GNB1L: variants seen among roughly 807,000 people sequenced by gnomAD.
GNB1L encodes the protein guanine nucleotide-binding protein subunit beta-like protein 1.
In GNB1L, 20 loss-of-function variants were observed where a neutral mutation model predicts 29.1. The observed-to-expected ratio is 0.69, with a 90% confidence interval of 0.48 to 1.00. The LOEUF is 1.00. Ranked by LOEUF, GNB1L falls within the 50% of genes least tolerant of loss-of-function variation. The pLI, the probability that GNB1L is intolerant of heterozygous loss-of-function variation, is 0.00. For synonymous variants in GNB1L, 193 were observed against 206.5 expected (o/e 0.93, Z 0.56); for missense variants, 421 against 464.9 (o/e 0.91, Z 0.87).
At chr22:19,807,171 C>T (rs996702060) in intron 5 of GNB1L, among the ~76,000 whole-genome samples, 46 of 152,314 alleles carry the variant, frequency 3.0e-4, no homozygotes, top group Admixed American at 1.2e-3. Context: ...ATGTGATGTG[C>T]GTCCTCTGAG....
chr22:19,848,158 C>T (rs1020615941), intron 2 of GNB1L: 1 of 985,304 alleles, frequency 1.0e-6, no homozygotes, highest in Non-Finnish European at 1.2e-6. Context: ...TCCTTGCAGA[C>T]AGGTACTTTA....
intron 6 of GNB1L, among the ~76,000 whole-genome samples, chr22:19,804,994 G>A (rs549711175): frequency 1.8e-4 from 28 of 152,174 alleles, no homozygotes; most frequent in Admixed American, 8.5e-4. Context: ...TCCTCCCAGC[G>A]GAGCCCATGT....
At chr22:19,837,262 G>A (rs560115917) in intron 2 of GNB1L, among the ~76,000 whole-genome samples, 14 of 152,270 alleles carry the variant, frequency 9.2e-5, no homozygotes, top group African/African-American at 2.4e-4. Context: ...CACCACGCCC[G>A]GCCTGAAAAG....
intron 2 of GNB1L, among the ~76,000 whole-genome samples, chr22:19,835,422 G>A (rs937951215): frequency 1.3e-5 from 2 of 150,894 alleles, no homozygotes; most frequent in African/African-American, 4.9e-5. Flanking sequence ...CCTCACGCCT[G>A]TAATCCCAGC....
intron 2 of GNB1L, chr22:19,851,955 C>A (rs773542055): frequency 6.2e-7 from 1 of 1,614,144 alleles, no homozygotes; most frequent in Non-Finnish European, 8.5e-7. Flanking sequence ...GTGCCTGGGT[C>A]TGAGCCTGGT....
chr22:19,820,981 GCCACAGTAAT>G (rs1601336348), intron 3 of GNB1L, among the ~76,000 whole-genome samples: 1 of 152,240 alleles, frequency 6.6e-6, no homozygotes, highest in East Asian at 1.9e-4. Flanking sequence ...GGGGAGCCAT[GCCACAGTAAT>G]GCACGCTGGG....
chr22:19,794,350 G>A (rs1300505077), intron 7 of GNB1L, among the ~76,000 whole-genome samples: 1 of 152,108 alleles, frequency 6.6e-6, no homozygotes, highest in Non-Finnish European at 1.5e-5. Flanking sequence ...TGAGTAGAAG[G>A]GATTGCACCA....
At chr22:19,842,367 AGGGAGATCAGC>A (rs568765128) in intron 2 of GNB1L, among the ~76,000 whole-genome samples, 152 of 152,350 alleles carry the variant, frequency 1.0e-3, no homozygotes, top group Non-Finnish European at 1.3e-3. Context: ...TCTGAAATGC[AGGGAGATCAGC>A]GGGGAGTCAG....
At chr22:19,846,962 A>T (rs1007408346) in intron 2 of GNB1L, 3 of 985,496 alleles carry the variant, frequency 3.0e-6, no homozygotes, top group Non-Finnish European at 3.6e-6. Flanking sequence ...CCATCCTCCC[A>T]TCCTCAGCAG....
chr22:19,810,445 T>C (rs1937486124), intron 5 of GNB1L, among the ~76,000 whole-genome samples: 1 of 152,044 alleles, frequency 6.6e-6, no homozygotes. Flanking sequence ...CTCTGGGCGC[T>C]GCAGGAGGGA....
At chr22:19,828,146 T>G (rs1036985833) in intron 2 of GNB1L, among the ~76,000 whole-genome samples, 26 of 152,174 alleles carry the variant, frequency 1.7e-4, no homozygotes, top group Non-Finnish European at 3.4e-4. Flanking sequence ...ACTCCTTGAC[T>G]CAGAATATGT....
chr22:19,826,128 G>A (rs1937618126), intron 2 of GNB1L, among the ~76,000 whole-genome samples: 1 of 152,216 alleles, frequency 6.6e-6, no homozygotes, highest in African/African-American at 2.4e-5. Context: ...AGCTCTGATG[G>A]CCTCTGGGGT....
chr22:19,811,049 C>G (rs570357766), intron 5 of GNB1L, among the ~76,000 whole-genome samples: 74 of 152,326 alleles, frequency 4.9e-4, no homozygotes, highest in African/African-American at 1.7e-3. Flanking sequence ...TCCTGTGGGT[C>G]TGTAGACCTT....
Position 19,819,119 on chromosome 22 carries a change from C to A in GNB1L, c.254+1479G>T, listed in dbSNP as rs201704833. On this transcript the variant is annotated intron_variant, in intron 4 of 7. Coordinates refer to ENST00000329517, the MANE Select transcript of GNB1L (RefSeq NM_053004.3). ...CTGCCCCTCCCTGCTCTGCTGCCAG[C>A]TGCCCAGCACCCAGCCCCACTGTCC... Among the ~76,000 whole-genome samples the A allele has an allele frequency of 1.2e-4, 18 of 152,358 alleles. No homozygotes were observed. In the East Asian group the frequency reaches 3.5e-3, roughly 29 times the overall value.
rs1211269256 is a variant in GNB1L at position 19,784,035 on chromosome 22, TGG to T, written c.*4672_*4673del. On this transcript the variant is annotated 3_prime_UTR_variant, in exon 8 of 8. Coordinates refer to ENST00000329517, the MANE Select transcript of GNB1L (RefSeq NM_053004.3). Reference sequence around the variant, plus strand: ...TGCCCACCTAGGACCACAGGGCTGGTGGGGCTGGCAGCTTGGTAGAGGGCAGG... The same window carrying T: ...TGCCCACCTAGGACCACAGGGCTGGTGGCTGGCAGCTTGGTAGAGGGCAGG... 6.6e-6 allele frequency: 1 copy of T among 152,212 alleles called. No homozygotes were observed. Among genetic ancestry groups the T allele is most frequent in the Non-Finnish European group, 1.5e-5 (1 of 68,062 alleles). 9.4% of individuals were successfully genotyped at this position (152,212 alleles called of 1,614,324 possible). A position where few individuals can be genotyped will look rare whatever the true frequency, so the allele number is the denominator to read the frequency against.
intron 2 of GNB1L, among the ~76,000 whole-genome samples, chr22:19,832,831 T>G (rs1199514032): frequency 6.6e-6 from 1 of 152,184 alleles, no homozygotes; most frequent in African/African-American, 2.4e-5. Flanking sequence ...AGCTCACCCC[T>G]GAGCTGTGTA....
chr22:19,827,478 A>G (rs1035171331), intron 2 of GNB1L, among the ~76,000 whole-genome samples: 2 of 152,254 alleles, frequency 1.3e-5, no homozygotes, highest in Non-Finnish European at 2.9e-5. Flanking sequence ...TATCCAGAAT[A>G]TCTAAAGAAC....
At position 19,788,722 on chromosome 22, in the gene GNB1L, T is replaced by C. The variant is rs1569036109; in HGVS notation, c.971A>G (p.Tyr324Cys). 6.2e-7 allele frequency: 1 copy of C among 1,611,162 alleles called. No individual in the cohort carries two copies. The highest frequency in any genetic ancestry group is 1.7e-5 in the Admixed American group (1 of 59,946). The change falls in exon 8 of 8, where the codon TAC (tyrosine) becomes TGC (cysteine). Residue 324 changes from tyrosine (Y) to cysteine (C), a missense_variant. Tyr to Cys is a radical substitution (Grantham distance 194). Transcript: ENST00000329517. ...GGAGTGGGTGAGTCATGCGCGTGGG[T>C]AGAGTGACCAGAGGCTGATCCGCTG... ...KDQRISLWSL[Y>C]PRA
chr22:19,815,987 G>A (rs1937522210), intron 4 of GNB1L, among the ~76,000 whole-genome samples: 1 of 152,164 alleles, frequency 6.6e-6, no homozygotes, highest in Non-Finnish European at 1.5e-5. Context: ...TCCTAGCCCT[G>A]TGCACACAGG....
Sources: gnomAD v4.1 joint callset for allele counts (sites outside exome capture counted in the v4.1 genomes callset) on GRCh38, gnomAD v4.1.1 for gene constraint, MANE v1.5 for transcripts, NCBI Gene and HGNC (gene_info 2026-07-23, HGNC 2026-07-21) for gene names.